The following IGBP1C variants were observed in gnomAD, a reference collection of about 807,000 sequenced individuals.
IGBP1C encodes immunoglobulin-binding protein 1 family member C.
the IGBP1C span, among the ~76,000 whole-genome samples, chr17:58,683,550 G>A: frequency 7.1e-6 from 1 of 140,678 alleles, no homozygotes; most frequent in Non-Finnish European, 1.5e-5. Flanking sequence ...ATAACCTGAG[G>A]TCAGGAGTTC....
chr17:58,688,807 C>T, the IGBP1C span, among the ~76,000 whole-genome samples: 1 of 151,744 alleles, frequency 6.6e-6, no homozygotes, highest in South Asian at 2.1e-4. Flanking sequence ...AACATATTCC[C>T]GGGGGGGGTT....
chr17:58,674,702 T>C, the IGBP1C span, among the ~76,000 whole-genome samples: 7 of 151,382 alleles, frequency 4.6e-5, no homozygotes, highest in South Asian at 2.1e-4. Context: ...GAAGAAAACA[T>C]AGATGTAAAT....
At chr17:58,688,117 T>G in the IGBP1C span, among the ~76,000 whole-genome samples, 45,342 of 151,956 alleles carry the variant, frequency 0.3, 7,233 homozygotes, top group Middle Eastern at 0.48. Flanking sequence ...TTATAGACTT[T>G]TTTTGTTTTG....
At chr17:58,673,484 AAAATAAATAAAT>A in the IGBP1C span, among the ~76,000 whole-genome samples, 18 of 143,508 alleles carry the variant, frequency 1.3e-4, no homozygotes, top group South Asian at 6.9e-4. Context: ...CTCCATCTCA[AAAATAAATAAAT>A]AAATAAATAA....
the IGBP1C span, chr17:58,679,673 C>T: frequency 2.6e-5 from 4 of 152,214 alleles, no homozygotes; most frequent in East Asian, 1.9e-4. Flanking sequence ...CATGTTATTT[C>T]CCTTGCCAGT....
At chr17:58,672,377 C>T in the IGBP1C span, among the ~76,000 whole-genome samples, 2 of 152,176 alleles carry the variant, frequency 1.3e-5, no homozygotes, top group African/African-American at 4.8e-5. Context: ...AATCTTCCAG[C>T]ACTCTTACTC....
the IGBP1C span, among the ~76,000 whole-genome samples, chr17:58,665,379 T>C: frequency 8.3e-3 from 1,241 of 150,296 alleles, 20 homozygotes; most frequent in African/African-American, 0.028. Flanking sequence ...TGAGGCAGGA[T>C]GGCTTGAGGC....
chr17:58,671,786 T>C, the IGBP1C span, among the ~76,000 whole-genome samples: 1 of 152,182 alleles, frequency 6.6e-6, no homozygotes, highest in Non-Finnish European at 1.5e-5. Flanking sequence ...GTTTTGAGCT[T>C]ACAAAAGCCT....
the IGBP1C span, among the ~76,000 whole-genome samples, chr17:58,687,665 A>C: frequency 1.3e-4 from 20 of 152,122 alleles, no homozygotes; most frequent in African/African-American, 4.6e-4. Context: ...CTATGTTCTT[A>C]GGCTAAAAAA....
the IGBP1C span, among the ~76,000 whole-genome samples, chr17:58,688,270 T>C: frequency 5.3e-5 from 8 of 151,924 alleles, no homozygotes; most frequent in Non-Finnish European, 8.8e-5. Flanking sequence ...ATAGGTACCC[T>C]CCACCACCCC....
the IGBP1C span, among the ~76,000 whole-genome samples, chr17:58,669,655 A>T: frequency 6.8e-6 from 1 of 145,988 alleles, no homozygotes; most frequent in African/African-American, 2.5e-5. Context: ...AATCACTTGA[A>T]CCTGGGAGGC....
At chr17:58,673,521 AATTGT>A in the IGBP1C span, among the ~76,000 whole-genome samples, 1 of 150,450 alleles carries the variant, frequency 6.6e-6, no homozygotes, top group Non-Finnish European at 1.5e-5. Context: ...ATAAATAAAT[AATTGT>A]ATTGTAACTT....
chr17:58,665,629 A>C, the IGBP1C span, among the ~76,000 whole-genome samples: 1 of 151,902 alleles, frequency 6.6e-6, no homozygotes, highest in Non-Finnish European at 1.5e-5. Flanking sequence ...CCCACAACTC[A>C]TTGCGTTTAC....
At chr17:58,680,064 A>C in the IGBP1C span, among the ~76,000 whole-genome samples, 1 of 149,032 alleles carries the variant, frequency 6.7e-6, no homozygotes, top group Non-Finnish European at 1.5e-5. Flanking sequence ...TAATGATGCC[A>C]CTATGGTGTC....
the IGBP1C span, among the ~76,000 whole-genome samples, chr17:58,670,771 TTAA>T: frequency 1.4e-3 from 11 of 7,952 alleles, 2 homozygotes; most frequent in African/African-American, 4.6e-3. Flanking sequence ...AGACTCCCTC[TTAA>T]AAAAAAAAAA....
chr17:58,685,996 CAAAAAAAAAAA>C, the IGBP1C span, among the ~76,000 whole-genome samples: 1 of 82,626 alleles, frequency 1.2e-5, no homozygotes, highest in South Asian at 4.7e-4. Flanking sequence ...CTCTGTCTCA[CAAAAAAAAAAA>C]AAAAAAAAAG....
the IGBP1C span, among the ~76,000 whole-genome samples, chr17:58,662,653 C>T: frequency 6.6e-6 from 1 of 152,060 alleles, no homozygotes; most frequent in East Asian, 1.9e-4. Context: ...AAGACATGCC[C>T]CTCAGTTTGT....
chr17:58,683,590 CTG>C, the IGBP1C span, among the ~76,000 whole-genome samples: 1 of 147,990 alleles, frequency 6.8e-6, no homozygotes, highest in African/African-American at 2.5e-5. Flanking sequence ...TGGTGAAAAC[CTG>C]TCTCTACTAA....
the IGBP1C span, among the ~76,000 whole-genome samples, chr17:58,663,470 A>AT: frequency 1.1e-3 from 159 of 145,090 alleles, no homozygotes; most frequent in African/African-American, 1.1e-3. Context: ...CTGAATCTAA[A>AT]TTTTTTTTTT....
Sources: allele counts gnomAD v4.1 joint callset (sites outside exome capture counted in the v4.1 genomes callset), GRCh38; gene constraint gnomAD v4.1.1; transcripts MANE v1.5; gene names NCBI Gene and HGNC (gene_info 2026-07-23, HGNC 2026-07-21).